Variants in EPS15L1 observed in about 807,000 individuals in gnomAD.
EPS15L1 encodes epidermal growth factor receptor pathway substrate 15 like 1.
Under a neutral mutation model 117.1 loss-of-function variants are expected in EPS15L1, and 43 were observed. That is an observed-to-expected ratio of 0.37 (90% CI 0.29 to 0.47). The LOEUF (loss-of-function observed/expected upper bound fraction) is 0.47. Ranked by LOEUF, EPS15L1 falls within the 20% of genes least tolerant of loss-of-function variation. EPS15L1 has a pLI of 0.99. For synonymous variants in EPS15L1, 459 were observed against 470.5 expected, an observed-to-expected ratio of 0.98 and a Z score of 0.32; for missense variants, 981 against 1,164.0, an observed-to-expected ratio of 0.84 and a Z score of 2.29.
intron 1 of EPS15L1, among the ~76,000 whole-genome samples, 166 bp from the exon 2 acceptor site, chr19:16,442,385 C>T (rs992405428): frequency 3.3e-5 from 5 of 152,202 alleles, no homozygotes; most frequent in Admixed American, 1.3e-4. Flanking sequence ...TATCTTCAGA[C>T]ACAGATATTA....
chr19:16,417,719 G>A (rs931911524), intron 11 of EPS15L1, 82 bp from the exon 12 acceptor site: 16 of 1,305,588 alleles, frequency 1.2e-5, no homozygotes, highest in Middle Eastern at 2.0e-4. Context: ...CTCGGGCCCA[G>A]GGATAAAATT....
chr19:16,377,917 C>T (rs2092315853), intron 21 of EPS15L1, among the ~76,000 whole-genome samples: 1 of 152,212 alleles, frequency 6.6e-6, no homozygotes, highest in African/African-American at 2.4e-5. Context: ...TCCATCACAC[C>T]CATCCACATC....
chr19:16,360,705 G>A (rs943355775), intron 23 of EPS15L1, among the ~76,000 whole-genome samples: 4 of 152,112 alleles, frequency 2.6e-5, no homozygotes, highest in Non-Finnish European at 4.4e-5. Flanking sequence ...CTCTGATCGC[G>A]CCAATGCAGA....
intron 1 of EPS15L1, among the ~76,000 whole-genome samples, chr19:16,463,680 G>A (rs1309802491): frequency 6.6e-6 from 1 of 152,154 alleles, no homozygotes; most frequent in Non-Finnish European, 1.5e-5. Flanking sequence ...CTGCCCTTGT[G>A]GACCTAGTCT....
chr19:16,364,977 C>T (rs2092113702), intron 22 of EPS15L1, among the ~76,000 whole-genome samples: 1 of 152,238 alleles, frequency 6.6e-6, no homozygotes, highest in Non-Finnish European at 1.5e-5. Context: ...GGGGATGACA[C>T]CCCAGTCTTG....
chr19:16,465,052 C>A (rs1257263591), intron 1 of EPS15L1, among the ~76,000 whole-genome samples: 2 of 150,906 alleles, frequency 1.3e-5, no homozygotes, highest in Admixed American at 1.3e-4. Context: ...GCACTCCAGC[C>A]TGGGCAACAG....
At chr19:16,400,876 G>C (rs914999428) in intron 16 of EPS15L1, 2 of 985,186 alleles carry the variant, frequency 2.0e-6, no homozygotes, top group Non-Finnish European at 1.2e-6. Flanking sequence ...CAAGAAAACC[G>C]GTTTCTAAAA....
rs970047762 is a variant in EPS15L1 at position 16,383,186 on chromosome 19, A to G, written c.2247+1943T>C. The G allele has an allele frequency of 6.6e-6, 1 of 152,198 alleles. No homozygotes were observed. The highest frequency in any genetic ancestry group is 2.4e-5 in the African/African-American group (1 of 41,448). The allele number at this position is 152,198 out of a possible 1,614,324, so 9.4% of individuals were successfully genotyped here. A position where few individuals can be genotyped will look rare whatever the true frequency, so the allele number is the denominator to read the frequency against. On this transcript the variant is annotated intron_variant, in intron 21 of 23. Transcript: ENST00000455140. This position sits in a 1 kb window ranked among gnomAD's most constrained non-coding sequence, Gnocchi z 5.2. The stretch of plus-strand genomic sequence containing the variant: ...AGACCCATTTTCCACAGCTCTGTCC[A>G]ACTCTGTCCTGGCCCGGCACCGCCA...
At position 16,467,980 on chromosome 19, in the gene EPS15L1, G is replaced by A. The variant is rs1162256218; in HGVS notation, c.33+3933C>T. Among the ~76,000 whole-genome samples, 6 of 152,284 alleles carry A rather than the reference G, an allele frequency of 3.9e-5. No individual in the cohort carries two copies. In the East Asian group the frequency reaches 5.8e-4, roughly 15 times the overall value. On this transcript the variant is annotated intron_variant, in intron 1 of 23. Transcript: ENST00000455140. The stretch of plus-strand genomic sequence containing the variant: ...CTACTGAAATACAGCAAAAGCTCCT[G>A]GATGAAGAACACATAACAAGGGGGA...
rs1453086885 is a variant in EPS15L1 at position 16,410,223 on chromosome 19, T to C, written c.1266+3550A>G. 3.3e-5 allele frequency among the ~76,000 whole-genome samples: 5 copies of C among 152,128 alleles called. No homozygotes were observed. In the South Asian group the frequency reaches 8.3e-4, roughly 25 times the overall value. On this transcript the variant is annotated intron_variant, in intron 13 of 23. Coordinates refer to ENST00000455140, the MANE Select transcript of EPS15L1 (RefSeq NM_001258374.3). Reference sequence around the variant, plus strand: ...AGGAATCGGAATGATTTTTCTCCAATGACTACATACAAATGGCTAATAAGC... The same window carrying C: ...AGGAATCGGAATGATTTTTCTCCAACGACTACATACAAATGGCTAATAAGC...
chr19:16,447,895 G>A (rs769636042), intron 1 of EPS15L1, among the ~76,000 whole-genome samples: 2 of 152,094 alleles, frequency 1.3e-5, no homozygotes, highest in Non-Finnish European at 2.9e-5. Flanking sequence ...GGCAGGGGGC[G>A]GGCACAGACA....
At chr19:16,448,933 T>G (rs1356778922) in intron 1 of EPS15L1, among the ~76,000 whole-genome samples, 1 of 151,974 alleles carries the variant, frequency 6.6e-6, no homozygotes, top group Non-Finnish European at 1.5e-5. Context: ...AAATATATAC[T>G]AGAGAGCTCT....
chr19:16,428,548 A>AAAG (rs1258525311), intron 8 of EPS15L1, among the ~76,000 whole-genome samples, 154 bp downstream of exon 8: 1 of 127,576 alleles, frequency 7.8e-6, no homozygotes, highest in African/African-American at 2.7e-5. Context: ...AGAAAGACAG[A>AAAG]AAAGAAAGGA....
chr19:16,373,231 C>T (rs578201627), intron 22 of EPS15L1, among the ~76,000 whole-genome samples: 22 of 152,164 alleles, frequency 1.4e-4, no homozygotes, highest in African/African-American at 5.3e-4. Context: ...GCCAGGCTCA[C>T]AGGGGGTCGC....
At chr19:16,456,298 A>G (rs1021636247) in intron 1 of EPS15L1, among the ~76,000 whole-genome samples, 1 of 152,210 alleles carries the variant, frequency 6.6e-6, no homozygotes, top group Non-Finnish European at 1.5e-5. Context: ...TTGCTCACTC[A>G]ATCAACACAT....
At chr19:16,428,846 C>T in intron 7 of EPS15L1, 85 bp from the exon 8 acceptor site, 1 of 1,067,880 alleles carries the variant, frequency 9.4e-7, no homozygotes, top group Non-Finnish European at 1.4e-6. Context: ...AGACTCTCAG[C>T]CGTGGCACTC....
intron 17 of EPS15L1, 97 bp downstream of exon 17, chr19:16,395,247 T>C (rs2092527702): frequency 2.5e-6 from 3 of 1,198,406 alleles, no homozygotes; most frequent in South Asian, 1.7e-5. Flanking sequence ...CCATTTCAGA[T>C]TGTGGCATGT....
chr19:16,417,521 G>C, intron 12 of EPS15L1, 31 bp downstream of exon 12: 2 of 1,561,324 alleles, frequency 1.3e-6, no homozygotes, highest in Non-Finnish European at 1.8e-6. Flanking sequence ...GTAACATCTG[G>C]ATGTGGAGGG....
chr19:16,463,564 C>T (rs2093273464), intron 1 of EPS15L1, among the ~76,000 whole-genome samples: 1 of 152,106 alleles, frequency 6.6e-6, no homozygotes, highest in Admixed American at 6.6e-5. Flanking sequence ...TCCCTACTGC[C>T]TCTCATAATG....
Sources: gnomAD v4.1 joint callset for allele counts (sites outside exome capture counted in the v4.1 genomes callset) on GRCh38, gnomAD v4.1.1 for gene constraint, Gnocchi (gnomAD v3.1) non-coding constraint, MANE v1.5 for transcripts, NCBI Gene and HGNC (gene_info 2026-07-23, HGNC 2026-07-21) for gene names.